SGMS1: variants seen among roughly 807,000 people sequenced by gnomAD.
SGMS1 encodes sphingomyelin synthase 1, also known as phosphatidylcholine:ceramide cholinephosphotransferase 1.
A neutral mutation model predicts 46.2 loss-of-function variants in SGMS1; 13 were observed. The ratio of observed to expected loss-of-function variants is 0.28; its 90% CI spans 0.18 to 0.45. SGMS1 has a LOEUF of 0.45. Among genes scored for constraint, SGMS1 ranks in the 20% least tolerant of loss-of-function variants. The probability of loss-of-function intolerance (pLI) is 1.00; values close to 1 mark genes in which losing one functional copy is unlikely to be tolerated. For missense variants in SGMS1, 324 were observed against 519.9 expected, an observed-to-expected ratio of 0.62 and a Z score of 3.66; for synonymous variants, 203 against 187.8, an observed-to-expected ratio of 1.08 and a Z score of -0.66.
At chr10:50,443,708 C>T (rs1013357067) in intron 5 of SGMS1, among the ~76,000 whole-genome samples, 3 of 151,946 alleles carry the variant, frequency 2.0e-5, no homozygotes. Context: ...AATGAGGAAC[C>T]TTGGAAATAA....
chr10:50,332,027 G>T (rs57732866), intron 7 of SGMS1, among the ~76,000 whole-genome samples: 3 of 152,122 alleles, frequency 2.0e-5, no homozygotes, highest in Admixed American at 1.3e-4. Context: ...GTTTAGAACC[G>T]CCAGAATCAT....
chr10:50,592,130 C>G (rs1472618118), intron 1 of SGMS1, among the ~76,000 whole-genome samples: 1 of 152,120 alleles, frequency 6.6e-6, no homozygotes, highest in Non-Finnish European at 1.5e-5. Flanking sequence ...GCCTCACAAC[C>G]CAGAACACTT....
intron 3 of SGMS1, among the ~76,000 whole-genome samples, chr10:50,505,223 A>C (rs1459217521): frequency 6.6e-6 from 1 of 152,110 alleles, no homozygotes; most frequent in African/African-American, 2.4e-5. Flanking sequence ...CTCAAAAATA[A>C]ATTTAGAAAA....
intron 5 of SGMS1, among the ~76,000 whole-genome samples, chr10:50,448,933 T>C (rs1916569): frequency 6.6e-6 from 1 of 151,932 alleles, no homozygotes; most frequent in African/African-American, 2.4e-5. Context: ...AGAAGACTTA[T>C]GGATAAAAAT....
intron 6 of SGMS1, among the ~76,000 whole-genome samples, chr10:50,372,955 AT>A (rs1006808907): frequency 6.8e-4 from 103 of 151,998 alleles, no homozygotes; most frequent in African/African-American, 1.4e-3. Context: ...TATAAAAAAA[AT>A]ATTCAAAACA....
chr10:50,538,396 T>TGCA (rs1467128890), intron 2 of SGMS1, among the ~76,000 whole-genome samples: 1 of 149,254 alleles, frequency 6.7e-6, no homozygotes, highest in Non-Finnish European at 1.5e-5. Flanking sequence ...AGGCGGAGCT[T>TGCA]GCAGTGAGCC....
intron 6 of SGMS1, among the ~76,000 whole-genome samples, chr10:50,373,066 G>C (rs1848466979): frequency 1.3e-5 from 2 of 152,056 alleles, no homozygotes; most frequent in Non-Finnish European, 1.5e-5. Flanking sequence ...TCTTTTCAAA[G>C]CTATCAAAAT....
At chr10:50,550,240 A>G (rs1204786584) in intron 2 of SGMS1, among the ~76,000 whole-genome samples, 6 of 152,314 alleles carry the variant, frequency 3.9e-5, no homozygotes, top group Non-Finnish European at 8.8e-5. Context: ...CTTAATCACT[A>G]ACTTTCTTTT....
At chr10:50,621,171 T>C (rs1287562777) in intron 1 of SGMS1, among the ~76,000 whole-genome samples, 1 of 151,130 alleles carries the variant, frequency 6.6e-6, no homozygotes, top group African/African-American at 2.4e-5. Context: ...AATAAAACCC[T>C]GTCTCAAAAG....
intron 6 of SGMS1, among the ~76,000 whole-genome samples, chr10:50,363,617 G>A (rs1848289884): frequency 6.6e-6 from 1 of 152,058 alleles, no homozygotes; most frequent in South Asian, 2.1e-4. Context: ...TAAAAACAAG[G>A]GACAAAGTGA....
chr10:50,574,297 T>C (rs904135789), intron 2 of SGMS1, among the ~76,000 whole-genome samples: 9 of 152,004 alleles, frequency 5.9e-5, no homozygotes, highest in Non-Finnish European at 1.0e-4. Flanking sequence ...AAAAACTCAA[T>C]AGCAATAAAA....
chr10:50,483,556 T>C (rs1671426896), intron 3 of SGMS1, among the ~76,000 whole-genome samples: 2 of 151,972 alleles, frequency 1.3e-5, no homozygotes, highest in African/African-American at 2.4e-5. Flanking sequence ...TAGATATCTA[T>C]AGAACTCTCC....
At chr10:50,575,007 T>C (rs1274707636) in intron 2 of SGMS1, among the ~76,000 whole-genome samples, 1 of 94,274 alleles carries the variant, frequency 1.1e-5, no homozygotes, top group Non-Finnish European at 2.6e-5. Flanking sequence ...TACTCAGCCT[T>C]AAAAAAGAGG....
At chr10:50,475,535 G>A (rs567904500) in intron 3 of SGMS1, among the ~76,000 whole-genome samples, 14 of 152,228 alleles carry the variant, frequency 9.2e-5, no homozygotes, top group African/African-American at 3.4e-4. Flanking sequence ...TAACTCATCA[G>A]GCTATGAATA....
At chr10:50,428,609 C>G (rs1217555108) in intron 6 of SGMS1, among the ~76,000 whole-genome samples, 1 of 152,190 alleles carries the variant, frequency 6.6e-6, no homozygotes, top group African/African-American at 2.4e-5. Flanking sequence ...GTACTTTATG[C>G]TGTTCTCATA....
At chr10:50,337,509 C>T (rs781509512) in intron 7 of SGMS1, among the ~76,000 whole-genome samples, 1 of 152,020 alleles carries the variant, frequency 6.6e-6, no homozygotes, top group African/African-American at 2.4e-5. Context: ...TCACAACCAT[C>T]GAAGACATAA....
chr10:50,592,972 A>G (rs943530624), intron 1 of SGMS1, among the ~76,000 whole-genome samples: 1 of 131,656 alleles, frequency 7.6e-6, no homozygotes, highest in Admixed American at 7.4e-5. Context: ...GTCCCGTCCC[A>G]CTTGGAACAG....
At chr10:50,385,609 G>A (rs1399888541) in intron 6 of SGMS1, among the ~76,000 whole-genome samples, 2 of 152,066 alleles carry the variant, frequency 1.3e-5, no homozygotes, top group Non-Finnish European at 2.9e-5. Flanking sequence ...GTCATGTTCT[G>A]CGAAATAATC....
intron 6 of SGMS1, among the ~76,000 whole-genome samples, chr10:50,348,083 C>T (rs867748172): frequency 2.6e-5 from 4 of 152,102 alleles, no homozygotes; most frequent in Non-Finnish European, 5.9e-5. Flanking sequence ...CTGTGTCCAG[C>T]TCCCATTTAT....
Sources: gnomAD v4.1 joint callset for allele counts (sites outside exome capture counted in the v4.1 genomes callset) on GRCh38, gnomAD v4.1.1 for gene constraint, MANE v1.5 for transcripts, NCBI Gene and HGNC (gene_info 2026-07-23, HGNC 2026-07-21) for gene names.